The following MED13 variants were observed in gnomAD, a reference collection of about 807,000 sequenced individuals.
MED13 encodes the protein mediator of RNA polymerase II transcription subunit 13.
In MED13, 23 loss-of-function variants were observed where a neutral mutation model predicts 225.2. The observed-to-expected ratio is 0.10, with a 90% confidence interval of 0.07 to 0.14. The LOEUF (loss-of-function observed/expected upper bound fraction) is 0.14. MED13 is among the 10% of genes least tolerant of loss of function. The pLI is 1.00. For missense variants in MED13, 2,197 were observed against 2,594.5 expected, an observed-to-expected ratio of 0.85 and a Z score of 3.33; for synonymous variants, 942 against 889.2, an observed-to-expected ratio of 1.06 and a Z score of -1.06.
At chr17:62,042,579 A>C (rs1442307660) in intron 3 of MED13, among the ~76,000 whole-genome samples, 1 of 151,090 alleles carries the variant, frequency 6.6e-6, no homozygotes, top group Admixed American at 6.6e-5. Flanking sequence ...AAAAAAAAAA[A>C]ACCAAAAAAA....
At chr17:61,991,331 C>A (rs1213413651) in intron 11 of MED13, among the ~76,000 whole-genome samples, 1 of 151,700 alleles carries the variant, frequency 6.6e-6, no homozygotes, top group Non-Finnish European at 1.5e-5. Flanking sequence ...GTTGGCCAGG[C>A]TGGTCTTCAC....
At chr17:61,981,567 C>T (rs755116590) in intron 16 of MED13, among the ~76,000 whole-genome samples, 2 of 152,190 alleles carry the variant, frequency 1.3e-5, no homozygotes, top group Non-Finnish European at 2.9e-5. Context: ...AAAATACTCC[C>T]TCAGGGTCTT....
chr17:61,990,305 C>A (rs2080284735), intron 11 of MED13, among the ~76,000 whole-genome samples: 1 of 151,838 alleles, frequency 6.6e-6, no homozygotes, highest in South Asian at 2.1e-4. Flanking sequence ...CACACATATA[C>A]ACACACACAT....
At position 61,984,159 on chromosome 17, in the gene MED13, C is replaced by T; in HGVS notation, c.2888+12G>A. The T allele has an allele frequency of 2.6e-6, 4 of 1,515,622 alleles. No individual in the cohort carries two copies. The highest frequency in any genetic ancestry group is 3.5e-6 in the Non-Finnish European group (4 of 1,134,284). The allele number at this position is 1,515,622 out of a possible 1,614,324, so 93.9% of individuals were successfully genotyped here. A position where few individuals can be genotyped will look rare whatever the true frequency, so the allele number is the denominator to read the frequency against. ...AAGCAGTCACATACTATTGTAACAACATAAATCATACCCCTCTTTGATGAA... is the reference window on the plus strand; with the variant it reads ...AAGCAGTCACATACTATTGTAACAATATAAATCATACCCCTCTTTGATGAA... On this transcript the variant is annotated intron_variant, in intron 15 of 29. Coordinates refer to ENST00000397786, the MANE Select transcript of MED13 (RefSeq NM_005121.3).
chr17:61,982,843 G>C lies in MED13; in HGVS notation c.3160C>G (p.Leu1054Val), dbSNP rs759645622. 1.2e-6 allele frequency: 2 copies of C among 1,614,214 alleles called. No homozygotes were observed. The highest frequency in any genetic ancestry group is 1.7e-6 in the Non-Finnish European group (2 of 1,180,044). ...PASTPSTCRP[L>V]NSVEPATVPS... ...ACAGTTGCAGGTTCAACAGAATTAA[G>C]GGGTCTGCATGTAGATGGGGTAGAA... Residue 1054 changes from leucine to valine, a missense_variant, in exon 16 of 30, where the codon CTT becomes GTT. Physicochemically the swap from Leu to Val is conservative, Grantham distance 32 (BLOSUM62 1). Around this residue, in one of 12 missense-constraint regions of MED13, gnomAD observed 99 missense variants for 158.5 expected, o/e 0.62. Transcript: ENST00000397786.
intron 9 of MED13, among the ~76,000 whole-genome samples, chr17:61,999,203 A>T (rs543256074): frequency 1.3e-5 from 2 of 152,218 alleles, no homozygotes; most frequent in South Asian, 4.1e-4. Context: ...CACTAACACA[A>T]CATAGGAGTT....
At chr17:61,964,421 G>C (rs2143364480) in intron 20 of MED13, among the ~76,000 whole-genome samples, 1 of 152,148 alleles carries the variant, frequency 6.6e-6, no homozygotes, top group East Asian at 1.9e-4. Flanking sequence ...AAAAGTAGCT[G>C]GGCATGGTGG....
At chr17:61,954,296 C>T (rs548832102) in intron 26 of MED13, among the ~76,000 whole-genome samples, 17 of 152,266 alleles carry the variant, frequency 1.1e-4, no homozygotes, top group East Asian at 9.6e-4. Context: ...TTTATTTTCT[C>T]TTCTACTAAA....
intron 16 of MED13, among the ~76,000 whole-genome samples, chr17:61,974,393 G>A (rs558910180): frequency 5.3e-5 from 8 of 152,132 alleles, no homozygotes; most frequent in South Asian, 2.1e-4. Flanking sequence ...ACAACAGAGC[G>A]AGACCCTTTC....
intron 16 of MED13, 51 bp from the exon 17 acceptor site, chr17:61,972,939 C>T: frequency 6.8e-7 from 1 of 1,474,176 alleles, no homozygotes; most frequent in Non-Finnish European, 9.1e-7. Flanking sequence ...ATTGCCAACA[C>T]AAATAAAATT....
intron 28 of MED13, among the ~76,000 whole-genome samples, chr17:61,950,019 G>A (rs549693400): frequency 6.6e-6 from 1 of 152,252 alleles, no homozygotes; most frequent in South Asian, 2.1e-4. Flanking sequence ...AAATAATGCA[G>A]CATAACAGCA....
chr17:62,047,284 T>C (rs993537853), intron 3 of MED13, among the ~76,000 whole-genome samples: 6 of 152,018 alleles, frequency 3.9e-5, no homozygotes, highest in African/African-American at 1.5e-4. Context: ...GGCAGGAGAA[T>C]TGCTTGAATC....
At position 62,031,381 on chromosome 17, in the gene MED13, T is replaced by C. The variant is rs370388868; in HGVS notation, c.1009+63A>G. ...AACTATTTCAAAATAAATTATTTCT[T>C]AAGTACTTACTGTACACAAAATAAC... On this transcript the variant is annotated intron_variant, in intron 6 of 29. Coordinates refer to ENST00000397786, the MANE Select transcript of MED13 (RefSeq NM_005121.3). The C allele has an allele frequency of 4.9e-5, 62 of 1,275,772 alleles. 1 individual carries two copies. Among genetic ancestry groups the C allele is most frequent in the East Asian group, 3.6e-4 (14 of 38,408 alleles). The allele number at this position is 1,275,772 out of a possible 1,614,324, so 79.0% of individuals were successfully genotyped here.
chr17:62,022,165 CAAA>C (rs35035293), intron 8 of MED13, among the ~76,000 whole-genome samples: 12 of 133,796 alleles, frequency 9.0e-5, no homozygotes, highest in African/African-American at 3.3e-4. Flanking sequence ...AAGACTGTCT[CAAA>C]AAAAAAATAT....
rs951835517 is a variant in MED13 at position 61,964,953 on chromosome 17, AAGC to A, written c.4844+50_4844+52del. On this transcript the variant is annotated intron_variant, in intron 20 of 29. Transcript: ENST00000397786. ...TGTGTCTCAAGAAAAAAAAAGAAAG[AAGC>A]AGCATCATAGTTTTTATATTTCTGC... 9 of 1,500,038 alleles carry A rather than the reference AAGC, an allele frequency of 6.0e-6. No individual in the cohort carries two copies. The African/African-American group carries it at 1.3e-4, about 21-fold the overall frequency. 92.9% of individuals were successfully genotyped at this position (1,500,038 alleles called of 1,614,324 possible). A position where few individuals can be genotyped will look rare whatever the true frequency, so the allele number is the denominator to read the frequency against.
In MED13 at chr17:62,014,306, G is replaced by GTT. The variant is rs1026759747; in HGVS notation, c.1284-3075_1284-3074dup. ...TATGATGATGGGAAGTTCTGTATATGTTTTTATATATATATATATATATAT... is the reference window on the plus strand; with the variant it reads ...TATGATGATGGGAAGTTCTGTATATGTTTTTTTATATATATATATATATATAT... On this transcript the variant is annotated intron_variant, in intron 8 of 29. Transcript: ENST00000397786. Among the ~76,000 whole-genome samples the GTT allele has an allele frequency of 3.3e-4, 40 of 120,048 alleles. No homozygotes were observed. The South Asian group carries it at 5.2e-3, about 16-fold the overall frequency. The allele number at this position is 120,048 out of a possible 152,430, so 78.8% of individuals were successfully genotyped here.
chr17:61,982,200 T>C lies in MED13; in HGVS notation c.3803A>G (p.Asn1268Ser). The change falls in exon 16 of 30, where the codon AAC becomes AGC. Residue 1268 changes from asparagine (N) to serine (S), a missense_variant and splice_region_variant. Physicochemically the swap from Asn to Ser is conservative, Grantham distance 46 (BLOSUM62 1). Around this residue, in one of 12 missense-constraint regions of MED13, gnomAD observed 203 missense variants for 209.7 expected, o/e 0.97. Coordinates refer to ENST00000397786, the MANE Select transcript of MED13 (RefSeq NM_005121.3). The part of the protein sequence containing the change: ...SSCLHPWSKR[N>S]DVSMQCSQDI... The stretch of plus-strand genomic sequence containing the variant: ...AGTATTTTATTGGCATACTTTACCG[T>C]TTCTTTTGGACCAGGGGTGTAAGCA... The C allele has an allele frequency of 6.3e-7, 1 of 1,597,758 alleles. No homozygotes were observed. The highest frequency in any genetic ancestry group is 8.5e-7 in the Non-Finnish European group (1 of 1,172,424).
intron 17 of MED13, among the ~76,000 whole-genome samples, chr17:61,969,351 T>G (rs2080086823): frequency 6.7e-6 from 1 of 149,706 alleles, no homozygotes; most frequent in Non-Finnish European, 1.5e-5. Flanking sequence ...AAACTCCATC[T>G]CAAAAACAAA....
intron 8 of MED13, among the ~76,000 whole-genome samples, chr17:62,018,101 A>G (rs946693068): frequency 3.3e-5 from 5 of 152,206 alleles, no homozygotes; most frequent in African/African-American, 4.8e-5. Context: ...ACTACTGCTA[A>G]TACAGTTGGT....
Sources: allele counts gnomAD v4.1 joint callset (sites outside exome capture counted in the v4.1 genomes callset), GRCh38; gene constraint gnomAD v4.1.1; regional missense constraint gnomAD v4.1.1; transcripts MANE v1.5; gene names NCBI Gene and HGNC (gene_info 2026-07-23, HGNC 2026-07-21).